Variants in NR2C1 observed in about 807,000 individuals in gnomAD.
NR2C1 encodes nuclear receptor subfamily 2 group C member 1, also known as TR2 nuclear hormone receptor.
Under a neutral mutation model 74.8 loss-of-function variants are expected in NR2C1, and 33 were observed. The observed-to-expected ratio is 0.44, with a 90% CI of 0.33 to 0.59. The LOEUF is 0.59. Ranked by LOEUF, NR2C1 falls within the 20% of genes least tolerant of loss-of-function variation. NR2C1 has a pLI of 0.02. For synonymous variants in NR2C1, 225 were observed against 240.6 expected (o/e 0.94, Z 0.60); for missense variants, 568 against 715.6 (o/e 0.79, Z 2.35).
chr12:95,052,846 C>T (rs1208582237), intron 7 of NR2C1, among the ~76,000 whole-genome samples: 2 of 152,174 alleles, frequency 1.3e-5, no homozygotes, highest in Non-Finnish European at 2.9e-5. Context: ...TTTTGCCAAA[C>T]ATTGTGTTAA....
chr12:95,038,357 T>C (rs1871117649), intron 10 of NR2C1, among the ~76,000 whole-genome samples: 1 of 152,256 alleles, frequency 6.6e-6, no homozygotes, highest in African/African-American at 2.4e-5. Flanking sequence ...CTTTTGTTGT[T>C]TTATTATAAT....
At position 95,026,241 on chromosome 12, in the gene NR2C1, A is replaced by G. The variant is rs539546850; in HGVS notation, c.1532-986T>C. Among the ~76,000 whole-genome samples the G allele has an allele frequency of 2.8e-3, 430 of 152,180 alleles. 1 individual carries two copies. The highest frequency in any genetic ancestry group is 9.7e-3 in the African/African-American group (404 of 41,564). ...AAAAAAGGCATTTTAAATCCATGAA[A>G]TATTTGCAGATTATATTCTATGCCA... On this transcript the variant is annotated intron_variant, in intron 12 of 13. Transcript: ENST00000333003.
chr12:95,073,546 G>T lies in NR2C1; in HGVS notation c.-174C>A, dbSNP rs556075868. On this transcript the variant is annotated 5_prime_UTR_variant, in exon 1 of 14. Transcript: ENST00000333003. ...GAGCTTTCTGTGTTTGGGTATTTCT[G>T]GGGGGTCAGAGTTCGTGACCTCTTT... is the stretch of plus-strand genomic sequence containing the variant. The T allele has an allele frequency of 1.3e-5, 2 of 152,142 alleles. No homozygotes were observed. The highest frequency in any genetic ancestry group is 2.9e-5 in the Non-Finnish European group (2 of 68,054). The allele number at this position is 152,142 out of a possible 1,614,324, so 9.4% of individuals were successfully genotyped here. A position where few individuals can be genotyped will look rare whatever the true frequency, so the allele number is the denominator to read the frequency against.
At chr12:95,072,261 T>C (rs1876759148) in intron 1 of NR2C1, among the ~76,000 whole-genome samples, 1 of 146,804 alleles carries the variant, frequency 6.8e-6, no homozygotes, top group Admixed American at 6.7e-5. Flanking sequence ...ACCCCACCTC[T>C]ACTAAAAATA....
chr12:95,071,489 AT>A (rs1876608642), intron 1 of NR2C1, among the ~76,000 whole-genome samples: 2 of 152,120 alleles, frequency 1.3e-5, no homozygotes, highest in South Asian at 4.2e-4. Context: ...AAGAGTAGGG[AT>A]TATACATTGT....
At chr12:95,058,232 A>G in intron 5 of NR2C1, 78 bp downstream of exon 5, 1 of 1,272,202 alleles carries the variant, frequency 7.9e-7, no homozygotes. Context: ...CATATTTGAC[A>G]TATTTTGTTA....
chr12:95,071,439 ATAC>A (rs1246235629), intron 1 of NR2C1, among the ~76,000 whole-genome samples: 1 of 152,170 alleles, frequency 6.6e-6, no homozygotes, highest in African/African-American at 2.4e-5. Flanking sequence ...AATTATATTT[ATAC>A]TATTATTTAT....
At chr12:95,044,109 C>A (rs1871979225) in intron 9 of NR2C1, among the ~76,000 whole-genome samples, 1 of 152,144 alleles carries the variant, frequency 6.6e-6, no homozygotes, top group Admixed American at 6.6e-5. Context: ...TTGAATTATA[C>A]ACATTTTTCA....
At position 95,058,567 on chromosome 12, in the gene NR2C1, T is replaced by G. The variant is rs150977292; in HGVS notation, c.365-78A>C. On this transcript the variant is annotated intron_variant, in intron 4 of 13. Coordinates refer to ENST00000333003, the MANE Select transcript of NR2C1 (RefSeq NM_003297.4). Reference sequence around the variant, plus strand: ...AATGACATAAGCCAATTTCTTCCCTTTAAACAACATATAAGATGAAACTGA... The same window carrying G: ...AATGACATAAGCCAATTTCTTCCCTGTAAACAACATATAAGATGAAACTGA... The G allele has an allele frequency of 9.0e-5, 100 of 1,108,788 alleles. No individual in the cohort carries two copies. The East Asian group carries it at 1.8e-3, about 20-fold the overall frequency. 68.7% of individuals were successfully genotyped at this position (1,108,788 alleles called of 1,614,324 possible). A position where few individuals can be genotyped will look rare whatever the true frequency, so the allele number is the denominator to read the frequency against.
In NR2C1 at chr12:95,028,414, G is replaced by T. The variant is rs1232061986; in HGVS notation, c.1504C>A (p.Leu502Met). 1 of 1,609,712 alleles carries T rather than the reference G, an allele frequency of 6.2e-7. No individual in the cohort carries two copies. The highest frequency in any genetic ancestry group is 2.2e-5 in the East Asian group (1 of 44,784). Residue 502 changes from leucine (L) to methionine (M), a missense_variant, in exon 12 of 14, where the codon CTG becomes ATG. Transcript: ENST00000333003. ...GGACTGAAGAGTACTATTGCCTTCA[G>T]GTAGGCATATTCGTATCCATCAATG... ...LCIDGYEYAY[L>M]KAIVLFSPDH... is the part of the protein sequence containing the mutation.
At chr12:95,050,666 C>T (rs1223964920) in intron 8 of NR2C1, among the ~76,000 whole-genome samples, 2 of 151,298 alleles carry the variant, frequency 1.3e-5, no homozygotes, top group South Asian at 2.1e-4. Context: ...GTCTAGTTGC[C>T]GGTTGACTCA....
chr12:95,025,225 A>G lies in NR2C1; in HGVS notation c.1562T>C (p.Ile521Thr). 1.2e-6 allele frequency: 2 copies of G among 1,604,658 alleles called. No homozygotes were observed. Among genetic ancestry groups the G allele is most frequent in the Non-Finnish European group, 1.7e-6 (2 of 1,173,256 alleles). ...DHPSLENMEQ[I>T]EKFQEKAYVE... Reference sequence around the variant, plus strand: ...ATAAGCCTTTTCCTGAAATTTCTCTATCTGTTCCATGTTTTCTAGGCTTGG... The same window carrying G: ...ATAAGCCTTTTCCTGAAATTTCTCTGTCTGTTCCATGTTTTCTAGGCTTGG... The change falls in exon 13 of 14, where the codon ATA becomes ACA. Residue 521 changes from isoleucine to threonine, a missense_variant. Coordinates refer to ENST00000333003, the MANE Select transcript of NR2C1 (RefSeq NM_003297.4).
chr12:95,067,193 C>T (rs1871038117), intron 2 of NR2C1, 138 bp downstream of exon 2: 1 of 735,658 alleles, frequency 1.4e-6, no homozygotes, highest in South Asian at 1.6e-5. Flanking sequence ...GATTATTCAA[C>T]TATCTCTCAG....
At chr12:95,069,642 A>C (rs563413273) in intron 1 of NR2C1, among the ~76,000 whole-genome samples, 5 of 152,358 alleles carry the variant, frequency 3.3e-5, no homozygotes, top group African/African-American at 1.2e-4. Context: ...TCCCCATAAC[A>C]TATGACTATA....
rs1565825951 is a variant in NR2C1, at chr12:95,020,393, G to A, written c.*1836C>T. On this transcript the variant is annotated 3_prime_UTR_variant, in exon 14 of 14. Coordinates refer to ENST00000333003, the MANE Select transcript of NR2C1 (RefSeq NM_003297.4). Reference sequence around the variant, plus strand: ...TAACTATTAGTACATTATTTTAAAGGATTATTTCCCTGATTCCTTGGCTTA... The same window carrying A: ...TAACTATTAGTACATTATTTTAAAGAATTATTTCCCTGATTCCTTGGCTTA... 1 of 152,018 alleles carries A rather than the reference G, an allele frequency of 6.6e-6. No homozygotes were observed. The highest frequency in any genetic ancestry group is 1.5e-5 in the Non-Finnish European group (1 of 67,998). The allele number at this position is 152,018 out of a possible 1,614,324, so 9.4% of individuals were successfully genotyped here. A position where few individuals can be genotyped will look rare whatever the true frequency, so the allele number is the denominator to read the frequency against.
At chr12:95,062,427 TA>T in intron 3 of NR2C1, 80 bp downstream of exon 3, 1 of 905,816 alleles carries the variant, frequency 1.1e-6, no homozygotes, top group Non-Finnish European at 1.7e-6. Context: ...TACATAGATC[TA>T]AAGTCTTCAT....
chr12:95,050,149 C>T (rs1199465591), intron 8 of NR2C1, among the ~76,000 whole-genome samples: 1 of 152,094 alleles, frequency 6.6e-6, no homozygotes, highest in East Asian at 1.9e-4. Flanking sequence ...TAAACTGTAA[C>T]AATTTGATAT....
chr12:95,056,199 G>C (rs1873832003), intron 7 of NR2C1, among the ~76,000 whole-genome samples: 1 of 152,166 alleles, frequency 6.6e-6, no homozygotes, highest in Non-Finnish European at 1.5e-5. Context: ...CTGAGAGGAC[G>C]AGGCTGCAGC....
In NR2C1 at chr12:95,060,004, A is replaced by AAG. The variant is rs1555211564; in HGVS notation, c.286-21_286-20insCT. 2 of 1,527,496 alleles carry AAG rather than the reference A, an allele frequency of 1.3e-6. No individual in the cohort carries two copies. Among genetic ancestry groups the AAG allele is most frequent in the African/African-American group, 2.8e-5 (2 of 71,038 alleles). 94.6% of individuals were successfully genotyped at this position (1,527,496 alleles called of 1,614,324 possible). A position where few individuals can be genotyped will look rare whatever the true frequency, so the allele number is the denominator to read the frequency against. ...TAGGAGCTAAAAAAAAAAAAAAAAA[A>AAG]AAAGAAAACAAAAACGAAAACCTGT... On this transcript the variant is annotated intron_variant, in intron 3 of 13. Transcript: ENST00000333003.
Sources: allele counts gnomAD v4.1 joint callset (sites outside exome capture counted in the v4.1 genomes callset), GRCh38; gene constraint gnomAD v4.1.1; transcripts MANE v1.5; gene names NCBI Gene and HGNC (gene_info 2026-07-23, HGNC 2026-07-21).